The following TESK2 variants were observed in gnomAD, a reference collection of about 807,000 sequenced individuals.
TESK2 encodes testis associated actin remodelling kinase 2, also known as dual specificity testis-specific protein kinase 2.
TESK2 carries 39 observed loss-of-function variants against 57.1 expected under a neutral mutation model. The ratio of observed to expected loss-of-function variants is 0.68; its 90% CI spans 0.53 to 0.89. The LOEUF (loss-of-function observed/expected upper bound fraction) is 0.89, where lower values mean the gene tolerates loss of function less well. Among genes scored for constraint, TESK2 ranks in the 40% least tolerant of loss-of-function variants. The pLI is 0.00. For synonymous variants in TESK2, 249 were observed against 267.9 expected (o/e 0.93, Z 0.69); for missense variants, 646 against 732.1 (o/e 0.88, Z 1.36).
At chr1:45,386,766 G>A (rs1648914934) in intron 3 of TESK2, among the ~76,000 whole-genome samples, 1 of 151,960 alleles carries the variant, frequency 6.6e-6, no homozygotes, top group East Asian at 1.9e-4. Flanking sequence ...CAATTCTCCT[G>A]CCTCAGCCTC....
Position 45,457,889 on chromosome 1 carries a change from A to T in TESK2, c.-86-18T>A, listed in dbSNP as rs1330956909. 1.0e-5 allele frequency: 9 copies of T among 897,678 alleles called. No homozygotes were observed. The highest frequency in any genetic ancestry group is 1.7e-5 in the African/African-American group (1 of 59,244). 55.6% of individuals were successfully genotyped at this position (897,678 alleles called of 1,614,324 possible). A position where few individuals can be genotyped will look rare whatever the true frequency, so the allele number is the denominator to read the frequency against. ...GTTTGACACTAAAGAGATCAAAAAAATTTCCACTGAAATCTTTAATGAATA... is the reference window on the plus strand; with the variant it reads ...GTTTGACACTAAAGAGATCAAAAAATTTTCCACTGAAATCTTTAATGAATA... On this transcript the variant is annotated intron_variant, in intron 1 of 10. Coordinates refer to ENST00000372086, the MANE Select transcript of TESK2 (RefSeq NM_007170.3).
chr1:45,483,335 C>A (rs1359262903), intron 1 of TESK2, among the ~76,000 whole-genome samples: 1 of 151,712 alleles, frequency 6.6e-6, no homozygotes, highest in African/African-American at 2.4e-5. Flanking sequence ...GTGGCTCACA[C>A]CTGTAATCCC....
intron 2 of TESK2, among the ~76,000 whole-genome samples, chr1:45,435,197 G>A (rs1651146388): frequency 6.6e-6 from 1 of 151,762 alleles, no homozygotes; most frequent in African/African-American, 2.4e-5. Context: ...TGTGATCACA[G>A]CTCACTGCAG....
chr1:45,402,223 C>CT (rs1444550302), intron 3 of TESK2, among the ~76,000 whole-genome samples: 3 of 151,280 alleles, frequency 2.0e-5, no homozygotes, highest in African/African-American at 7.3e-5. Context: ...GACCCTGTCT[C>CT]TAAAAAAATA....
intron 2 of TESK2, among the ~76,000 whole-genome samples, chr1:45,435,438 T>C (rs1209353603): frequency 2.0e-5 from 3 of 151,634 alleles, no homozygotes; most frequent in Non-Finnish European, 4.4e-5. Flanking sequence ...CATTTTTTTT[T>C]TTTTTTCTAA....
intron 2 of TESK2, among the ~76,000 whole-genome samples, chr1:45,428,658 A>G (rs1328375458): frequency 6.6e-6 from 1 of 151,834 alleles, no homozygotes; most frequent in Non-Finnish European, 1.5e-5. Flanking sequence ...GTGCACCACC[A>G]TGCCCAGCTA....
intron 1 of TESK2, among the ~76,000 whole-genome samples, chr1:45,470,005 A>G (rs1035028946): frequency 1.4e-4 from 21 of 152,218 alleles, no homozygotes; most frequent in South Asian, 4.1e-4. Flanking sequence ...CCAAATATGG[A>G]ATCATATGTG....
At chr1:45,443,567 G>C (rs565395204) in intron 2 of TESK2, among the ~76,000 whole-genome samples, 5 of 27,624 alleles carry the variant, frequency 1.8e-4, no homozygotes, top group African/African-American at 2.3e-4. Flanking sequence ...GAGATCCATC[G>C]CAAAAAAAAA....
chr1:45,438,450 G>A (rs940145905), intron 2 of TESK2, among the ~76,000 whole-genome samples: 9 of 152,236 alleles, frequency 5.9e-5, no homozygotes, highest in South Asian at 4.1e-4. Flanking sequence ...GAGCTGACAC[G>A]GTGCCACTGT....
intron 1 of TESK2, among the ~76,000 whole-genome samples, chr1:45,480,010 A>T (rs1318999845): frequency 2.0e-5 from 3 of 151,042 alleles, no homozygotes; most frequent in African/African-American, 7.3e-5. Context: ...TTTAGTAGAG[A>T]CGTGATTTCA....
intron 2 of TESK2, among the ~76,000 whole-genome samples, chr1:45,441,494 G>C (rs1307602605): frequency 1.3e-5 from 2 of 151,884 alleles, no homozygotes; most frequent in African/African-American, 4.8e-5. Flanking sequence ...TTTTAATAGA[G>C]ACAGACTCTT....
chr1:45,477,728 A>G (rs1653055348), intron 1 of TESK2, among the ~76,000 whole-genome samples: 1 of 152,060 alleles, frequency 6.6e-6, no homozygotes, highest in Admixed American at 6.6e-5. Flanking sequence ...ATCTTCAATG[A>G]TATCTGTTGC....
chr1:45,403,882 G>GTTA, intron 3 of TESK2, among the ~76,000 whole-genome samples: 1 of 84,882 alleles, frequency 1.2e-5, no homozygotes, highest in African/African-American at 3.7e-5. Context: ...CCATGCAAGC[G>GTTA]AAAAAAAAAA....
intron 3 of TESK2, among the ~76,000 whole-genome samples, chr1:45,387,697 A>G (rs1570677572): frequency 6.6e-6 from 1 of 152,232 alleles, no homozygotes; most frequent in East Asian, 1.9e-4. Flanking sequence ...TGGCTATAAT[A>G]TCACAGCAGA....
chr1:45,486,331 T>C (rs1180886414), intron 1 of TESK2, among the ~76,000 whole-genome samples: 1 of 152,162 alleles, frequency 6.6e-6, no homozygotes. Context: ...AAATGAAATG[T>C]ATGACACTAA....
chr1:45,487,113 G>C (rs1295186592), intron 1 of TESK2, among the ~76,000 whole-genome samples: 2 of 152,004 alleles, frequency 1.3e-5, no homozygotes. Flanking sequence ...ACAGGTGTGA[G>C]CAACCGCACC....
At chr1:45,478,826 C>T (rs1023804451) in intron 1 of TESK2, among the ~76,000 whole-genome samples, 15 of 151,868 alleles carry the variant, frequency 9.9e-5, no homozygotes, top group Non-Finnish European at 2.1e-4. Flanking sequence ...TGGGTTCAAG[C>T]AATTCTCCTG....
At chr1:45,473,135 G>A (rs1418012078) in intron 1 of TESK2, among the ~76,000 whole-genome samples, 1 of 144,244 alleles carries the variant, frequency 6.9e-6, no homozygotes, top group East Asian at 2.0e-4. Context: ...TGGCAAGACA[G>A]TAAGACTCCG....
At chr1:45,427,414 T>C (rs1352361387) in intron 2 of TESK2, among the ~76,000 whole-genome samples, 1 of 152,124 alleles carries the variant, frequency 6.6e-6, no homozygotes, top group African/African-American at 2.4e-5. Context: ...GCTGGGTATA[T>C]ACCAAAAGAA....
Sources: gnomAD v4.1 joint callset for allele counts (sites outside exome capture counted in the v4.1 genomes callset) on GRCh38, gnomAD v4.1.1 for gene constraint, MANE v1.5 for transcripts, NCBI Gene and HGNC (gene_info 2026-07-23, HGNC 2026-07-21) for gene names.